DPP10: variants seen among roughly 807,000 people sequenced by gnomAD.
DPP10 encodes the protein dipeptidyl peptidase like 10, also known as inactive dipeptidyl peptidase 10.
DPP10 carries 33 observed loss-of-function variants against 120.9 expected under a neutral mutation model. The ratio of observed to expected loss-of-function variants is 0.27; its 90% confidence interval spans 0.21 to 0.37. The LOEUF (loss-of-function observed/expected upper bound fraction) is 0.37. DPP10 is among the 10% of genes least tolerant of loss of function. The pLI is 1.00. For synonymous variants in DPP10, 337 were observed against 326.1 expected, an observed-to-expected ratio of 1.03 and a Z score of -0.36; for missense variants, 816 against 942.8, an observed-to-expected ratio of 0.87 and a Z score of 1.76.
intron 1 of DPP10, among the ~76,000 whole-genome samples, chr2:115,130,451 C>T (rs186704109): frequency 5.3e-5 from 8 of 151,958 alleles, no homozygotes; most frequent in East Asian, 3.9e-4. Flanking sequence ...CCCATCCAAT[C>T]GGTATTATCC....
chr2:115,705,481 T>G (rs2092067012), intron 7 of DPP10, among the ~76,000 whole-genome samples: 1 of 151,924 alleles, frequency 6.6e-6, no homozygotes, highest in East Asian at 1.9e-4. Flanking sequence ...AGAGTCCTAT[T>G]ATACCAGAGC....
intron 3 of DPP10, among the ~76,000 whole-genome samples, chr2:115,456,450 C>A (rs1362400061): frequency 6.6e-6 from 1 of 152,070 alleles, no homozygotes. Flanking sequence ...CCCAGCAATC[C>A]CATTATTGGG....
intron 1 of DPP10, among the ~76,000 whole-genome samples, chr2:115,040,795 C>G (rs1327130146): frequency 6.6e-6 from 1 of 152,068 alleles, no homozygotes; most frequent in East Asian, 1.9e-4. Flanking sequence ...GATGAGCTTG[C>G]TCTCCTGTCG....
intron 1 of DPP10, among the ~76,000 whole-genome samples, chr2:114,506,047 G>A (rs1422525860): frequency 6.6e-6 from 1 of 152,182 alleles, no homozygotes; most frequent in East Asian, 1.9e-4. Context: ...GGGGAATTCT[G>A]GGCAGAAGAA....
intron 1 of DPP10, among the ~76,000 whole-genome samples, chr2:114,684,191 A>G (rs879814367): frequency 6.6e-6 from 1 of 151,970 alleles, no homozygotes; most frequent in Non-Finnish European, 1.5e-5. Flanking sequence ...ACCCTGAGCC[A>G]GGCCCTGTGG....
chr2:114,865,789 A>C (rs1333209515), intron 1 of DPP10, among the ~76,000 whole-genome samples: 1 of 152,160 alleles, frequency 6.6e-6, no homozygotes, highest in Non-Finnish European at 1.5e-5. Context: ...ATGTCTGCCC[A>C]ATTTAATAAA....
chr2:114,497,951 T>A (rs984499760), intron 1 of DPP10, among the ~76,000 whole-genome samples: 4 of 152,184 alleles, frequency 2.6e-5, no homozygotes, highest in African/African-American at 9.7e-5. Context: ...GTTTCTGTAC[T>A]TCCGGTCTTC....
rs1004886904 is a variant in DPP10, at chr2:115,535,215, A to G, written c.441+9243A>G. On this transcript the variant is annotated intron_variant, in intron 5 of 25. Transcript: ENST00000410059. ...GCCTATGTCCTGAATGGTATTGCCT[A>G]GGTTTTCTTCTAGGGTTTTTATGGT... is the stretch of plus-strand genomic sequence containing the variant. 5.4e-4 allele frequency among the ~76,000 whole-genome samples: 82 copies of G among 151,754 alleles called. 3 individuals are homozygous for G. In the East Asian group the frequency reaches 0.016, roughly 29 times the overall value.
rs537512763 is a variant in DPP10 at position 115,757,578 on chromosome 2, C to T, written c.1074+4281C>T. On this transcript the variant is annotated intron_variant, in intron 11 of 25. Transcript: ENST00000410059. The stretch of plus-strand genomic sequence containing the variant: ...ATCACCTTCCACCGGGCTTCTCCCA[C>T]AGCCATGGGAATTGTGAGAGTTACA... 4.9e-4 allele frequency among the ~76,000 whole-genome samples: 75 copies of T among 152,174 alleles called. No homozygotes were observed. In the South Asian group the frequency reaches 9.1e-3, roughly 19 times the overall value.
At chr2:114,631,529 T>C (rs1447534691) in intron 1 of DPP10, among the ~76,000 whole-genome samples, 2 of 152,142 alleles carry the variant, frequency 1.3e-5, no homozygotes, top group Non-Finnish European at 2.9e-5. Context: ...GAGAGTACTT[T>C]TGGGGACTAA....
Position 114,804,714 on chromosome 2 carries a change from C to T in DPP10, c.60+361876C>T, listed in dbSNP as rs114243633. 9.4e-4 allele frequency among the ~76,000 whole-genome samples: 143 copies of T among 152,308 alleles called. 1 individual carries two copies. Among genetic ancestry groups the T allele is most frequent in the African/African-American group, 2.7e-3 (113 of 41,564 alleles). On this transcript the variant is annotated intron_variant, in intron 1 of 25. Coordinates refer to ENST00000410059, the MANE Select transcript of DPP10 (RefSeq NM_020868.6). Reference sequence around the variant, plus strand: ...CATTTACCCAATACACATACCCCATCGTAACTAGGAATTAACAAGCTTGCT... The same window carrying T: ...CATTTACCCAATACACATACCCCATTGTAACTAGGAATTAACAAGCTTGCT...
At chr2:115,652,793 G>A (rs2087917959) in intron 5 of DPP10, among the ~76,000 whole-genome samples, 1 of 151,834 alleles carries the variant, frequency 6.6e-6, no homozygotes, top group African/African-American at 2.4e-5. Flanking sequence ...ACTGGGGAGG[G>A]CTGTCTGTAT....
rs1682207920 is a variant in DPP10 at position 115,777,214 on chromosome 2, A to C, written c.1228A>C (p.Ser410Arg). Residue 410 changes from serine (S) to arginine (R), a missense_variant, in exon 14 of 26, where the codon AGT (serine) becomes CGT (arginine). Physicochemically the swap from Ser to Arg is moderately radical, Grantham distance 110. Coordinates refer to ENST00000410059, the MANE Select transcript of DPP10 (RefSeq NM_020868.6). Reference sequence around the variant, plus strand: ...ATTTTCTATTTCTTTGCAGAGTAAAAGTGAGCAAATTACCGTGCGGCATCT... The same window carrying C: ...ATTTTCTATTTCTTTGCAGAGTAAACGTGAGCAAATTACCGTGCGGCATCT... ...HVAMFLIQSK[S>R]EQITVRHLTS... 3.1e-6 allele frequency: 5 copies of C among 1,612,878 alleles called. No individual in the cohort carries two copies. Among genetic ancestry groups the C allele is most frequent in the African/African-American group, 1.3e-5 (1 of 74,982 alleles).
chr2:114,791,264 T>C (rs1683221851), intron 1 of DPP10, among the ~76,000 whole-genome samples: 2 of 152,206 alleles, frequency 1.3e-5, no homozygotes, highest in Admixed American at 1.3e-4. Flanking sequence ...AATATTGCCA[T>C]GTTTTGTTTC....
intron 1 of DPP10, among the ~76,000 whole-genome samples, chr2:114,779,895 G>C (rs980100273): frequency 1.3e-5 from 2 of 152,050 alleles, no homozygotes; most frequent in Non-Finnish European, 2.9e-5. Flanking sequence ...CCAGCACTTT[G>C]GGAGGCCAAG....
intron 13 of DPP10, among the ~76,000 whole-genome samples, chr2:115,776,220 T>C (rs908238790): frequency 6.7e-4 from 102 of 152,176 alleles, no homozygotes; most frequent in African/African-American, 2.4e-3. Context: ...GTTACATAGG[T>C]ATACACGTGC....
intron 1 of DPP10, among the ~76,000 whole-genome samples, chr2:115,163,895 G>C (rs911613766): frequency 5.9e-5 from 9 of 151,986 alleles, no homozygotes; most frequent in Admixed American, 5.9e-4. Context: ...TGGACACGCT[G>C]TCTATACACA....
At position 115,076,959 on chromosome 2, in the gene DPP10, T is replaced by C. The variant is rs553134854; in HGVS notation, c.61-232280T>C. On this transcript the variant is annotated intron_variant, in intron 1 of 25. Coordinates refer to ENST00000410059, the MANE Select transcript of DPP10 (RefSeq NM_020868.6). Reference sequence around the variant, plus strand: ...TGGTTGTACAAATTTACACTTCCAATAGCAGTGTATGAGAGTCTTATTTTT... The same window carrying C: ...TGGTTGTACAAATTTACACTTCCAACAGCAGTGTATGAGAGTCTTATTTTT... Among the ~76,000 whole-genome samples the C allele has an allele frequency of 3.9e-5, 6 of 152,370 alleles. No individual in the cohort carries two copies. The South Asian group carries it at 1.2e-3, about 32-fold the overall frequency.
At chr2:115,057,930 G>A (rs143884030) in intron 1 of DPP10, among the ~76,000 whole-genome samples, 1 of 152,186 alleles carries the variant, frequency 6.6e-6, no homozygotes, top group Admixed American at 6.5e-5. Flanking sequence ...CTAGGTACAA[G>A]CCTACTTTTT....
Sources: allele counts gnomAD v4.1 joint callset (sites outside exome capture counted in the v4.1 genomes callset), GRCh38; gene constraint gnomAD v4.1.1; transcripts MANE v1.5; gene names NCBI Gene and HGNC (gene_info 2026-07-23, HGNC 2026-07-21).